WBP11: variants seen among roughly 807,000 people sequenced by gnomAD.
WBP11 encodes WW domain binding protein 11, also known as WW domain-binding protein 11.
In WBP11, 12 loss-of-function variants were observed where a neutral mutation model predicts 66.7. That is an observed-to-expected ratio of 0.18 (90% CI 0.12 to 0.29). WBP11 has a LOEUF of 0.29. Ranked by LOEUF, WBP11 falls within the 10% of genes least tolerant of loss-of-function variation. The probability of loss-of-function intolerance (pLI) is 1.00; values close to 1 mark genes in which losing one functional copy is unlikely to be tolerated. For synonymous variants in WBP11, 255 were observed against 273.8 expected (o/e 0.93, Z 0.68); for missense variants, 555 against 818.3 (o/e 0.68, Z 3.93).
In WBP11 at chr12:14,788,952, T is replaced by C; in HGVS notation, c.1491A>G (p.Pro497=). The change falls in exon 11 of 12, where the codon CCA becomes CCG. Residue 497 remains proline, a splice_region_variant and synonymous_variant. Coordinates refer to ENST00000261167, the MANE Select transcript of WBP11 (RefSeq NM_016312.3). ...PPPRLPPPAP[P]GIPPPRPGMM... is the part of the protein sequence containing the mutation. The stretch of plus-strand genomic sequence containing the variant: ...TATTATAGAAATTGAAAGCATCACC[T>C]GGAGGTGCAGGGGGAGGTAGCCTTG... The C allele has an allele frequency of 7.0e-7, 1 of 1,428,472 alleles. No homozygotes were observed. Among genetic ancestry groups the C allele is most frequent in the Non-Finnish European group, 9.1e-7 (1 of 1,094,968 alleles). 88.5% of individuals were successfully genotyped at this position (1,428,472 alleles called of 1,614,324 possible). A position where few individuals can be genotyped will look rare whatever the true frequency, so the allele number is the denominator to read the frequency against.
At chr12:14,794,195 C>T (rs1949860583) in intron 7 of WBP11, among the ~76,000 whole-genome samples, 1 of 152,104 alleles carries the variant, frequency 6.6e-6, no homozygotes, top group African/African-American at 2.4e-5. Flanking sequence ...TAGCAACAAT[C>T]ATGTTTGTAT....
At chr12:14,788,085 C>A (rs1357768541) in intron 11 of WBP11, among the ~76,000 whole-genome samples, 2 of 151,952 alleles carry the variant, frequency 1.3e-5, no homozygotes, top group African/African-American at 4.8e-5. Context: ...ACTAAAAATA[C>A]AAAATTAGCT....
chr12:14,788,228 A>C (rs1025703275), intron 11 of WBP11, among the ~76,000 whole-genome samples: 1 of 152,156 alleles, frequency 6.6e-6, no homozygotes, highest in Admixed American at 6.5e-5. Flanking sequence ...AAGAAGAATG[A>C]AACTCCGTCT....
chr12:14,795,192 G>A, intron 5 of WBP11, 88 bp from the exon 6 acceptor site: 1 of 1,368,742 alleles, frequency 7.3e-7, no homozygotes, highest in Non-Finnish European at 9.6e-7. Context: ...TTCGTAACTT[G>A]GACATGCTTT....
chr12:14,793,584 T>C, intron 8 of WBP11, 147 bp downstream of exon 8: 2 of 924,256 alleles, frequency 2.2e-6, no homozygotes, highest in Non-Finnish European at 3.2e-6. Context: ...TCAAAAACTT[T>C]CAAAATTTTA....
At chr12:14,797,127 T>C (rs995649802) in intron 4 of WBP11, 124 bp from the exon 5 acceptor site, 46 of 575,270 alleles carry the variant, frequency 8.0e-5, no homozygotes, top group Non-Finnish European at 1.2e-4. Context: ...ACACCAGACA[T>C]ACTCTTTTCA....
In WBP11 at chr12:14,786,454, A is replaced by T. The variant is rs1293393429; in HGVS notation, c.*611T>A. On this transcript the variant is annotated 3_prime_UTR_variant, in exon 12 of 12. Transcript: ENST00000261167. ...TCCATAAAATAGGTATTATGTTTAC[A>T]TATTATCAGTAACACAGAGTATCTT... 1.3e-5 allele frequency: 2 copies of T among 152,246 alleles called. No individual in the cohort carries two copies. Among genetic ancestry groups the T allele is most frequent in the African/African-American group, 4.8e-5 (2 of 41,454 alleles). The allele number at this position is 152,246 out of a possible 1,614,324, so 9.4% of individuals were successfully genotyped here.
At chr12:14,788,480 G>C (rs1375486292) in intron 11 of WBP11, among the ~76,000 whole-genome samples, 1 of 151,872 alleles carries the variant, frequency 6.6e-6, no homozygotes, top group Non-Finnish European at 1.5e-5. Context: ...GAGAGAGAGA[G>C]AGGAAAAAAA....
chr12:14,803,327 T>C lies in WBP11; in HGVS notation c.-46+25A>G, dbSNP rs974830698. The C allele has an allele frequency of 3.5e-5, 13 of 376,316 alleles. No individual in the cohort carries two copies. In the East Asian group the frequency reaches 3.6e-4, roughly 11 times the overall value. The allele number at this position is 376,316 out of a possible 1,614,324, so 23.3% of individuals were successfully genotyped here. ...AAGGGACGAAAGAGGTGAGGAAGAG[T>C]AGTAAATCAATTCAATACACTCACA... On this transcript the variant is annotated intron_variant, in intron 1 of 11. Transcript: ENST00000261167.
In WBP11 at chr12:14,801,304, A is replaced by G. The variant is rs1565675683; in HGVS notation, c.64+16T>C. 1 of 1,611,732 alleles carries G rather than the reference A, an allele frequency of 6.2e-7. No homozygotes were observed. The highest frequency in any genetic ancestry group is 8.5e-7 in the Non-Finnish European group (1 of 1,178,688). On this transcript the variant is annotated intron_variant, in intron 2 of 11. Coordinates refer to ENST00000261167, the MANE Select transcript of WBP11 (RefSeq NM_016312.3). ...ACACTCTCCTACTTCATCATTCCAC[A>G]CTAATGGACACTTACGGGCTTGGTC...
In WBP11 at chr12:14,803,450, C is replaced by T. The variant is rs1201292255; in HGVS notation, c.-144G>A. 7.5e-6 allele frequency: 3 copies of T among 398,642 alleles called. No individual in the cohort carries two copies. The highest frequency in any genetic ancestry group is 4.1e-5 in the African/African-American group (2 of 48,644). The allele number at this position is 398,642 out of a possible 1,614,324, so 24.7% of individuals were successfully genotyped here. On this transcript the variant is annotated 5_prime_UTR_variant, in exon 1 of 12. Coordinates refer to ENST00000261167, the MANE Select transcript of WBP11 (RefSeq NM_016312.3). ...CTTCAACTGGGTCTCTCGGTCAACC[C>T]CTCAGCTACCGCCATCTTGAAACCT...
chr12:14,787,076 C>T lies in WBP11; in HGVS notation c.1915G>A (p.Gly639Arg). 1 of 1,612,364 alleles carries T rather than the reference C, an allele frequency of 6.2e-7. No individual in the cohort carries two copies. Among genetic ancestry groups the T allele is most frequent in the East Asian group, 2.2e-5 (1 of 44,854 alleles). Reference sequence around the variant, plus strand: ...GGCATCAAAAGCTGTCACAGTAGCCCTTCCATCTCTTTCATGAAAGCCTCA... The same window carrying T: ...GGCATCAAAAGCTGTCACAGTAGCCTTTCCATCTCTTTCATGAAAGCCTCA... ...VYEAFMKEME[G>R]LL The change falls in exon 12 of 12, where the codon GGG (glycine) becomes AGG (arginine). Residue 639 changes from glycine (G) to arginine (R), a missense_variant. By Grantham distance (125) the Gly-to-Arg change is moderately radical. Transcript: ENST00000261167.
intron 4 of WBP11, among the ~76,000 whole-genome samples, chr12:14,797,226 T>TTAG (rs1949903931): frequency 6.6e-6 from 1 of 152,246 alleles, no homozygotes; most frequent in South Asian, 2.1e-4. Flanking sequence ...TGCCACCTAA[T>TTAG]TGACTTTCAT....
chr12:14,787,884 C>T (rs1194426106), intron 11 of WBP11, among the ~76,000 whole-genome samples: 1 of 152,156 alleles, frequency 6.6e-6, no homozygotes, highest in African/African-American at 2.4e-5. Context: ...TATTCCATAC[C>T]ATTTCCCCTG....
chr12:14,793,964 A>C (rs769349663), intron 7 of WBP11, 42 bp from the exon 8 acceptor site: 34 of 1,487,398 alleles, frequency 2.3e-5, no homozygotes, highest in East Asian at 1.7e-4. Flanking sequence ...GTATGATTGG[A>C]CCCTCCACTA....
chr12:14,788,469 T>TGA (rs575372554), intron 11 of WBP11, among the ~76,000 whole-genome samples: 5 of 151,378 alleles, frequency 3.3e-5, no homozygotes, highest in East Asian at 1.9e-4. Context: ...TGTGTACCAC[T>TGA]GAGAGAGAGA....
Position 14,792,895 on chromosome 12 carries a change from G to GAGAAA in WBP11, c.913+835_913+836insTTTCT, listed in dbSNP as rs530997972. Among the ~76,000 whole-genome samples the GAGAAA allele has an allele frequency of 1.6e-4, 24 of 150,214 alleles. No homozygotes were observed. The South Asian group carries it at 4.5e-3, about 28-fold the overall frequency. On this transcript the variant is annotated intron_variant, in intron 8 of 11. Transcript: ENST00000261167. ...GCAGAATAAAAGGAAAAGAAGGCAA[G>GAGAAA]AGACCACACAGACCCAGAAAAAAAT...
rs1949960548 is a variant in WBP11, at chr12:14,801,407, T to C, written c.-24A>G. The stretch of plus-strand genomic sequence containing the variant: ...ATGTTGACAATTTGTATGGTTTACT[T>C]GTTCATTAAAAAAAGAAAAACCTGT... On this transcript the variant is annotated 5_prime_UTR_variant, in exon 2 of 12. Transcript: ENST00000261167. 2 of 1,609,890 alleles carry C rather than the reference T, an allele frequency of 1.2e-6. No individual in the cohort carries two copies. The highest frequency in any genetic ancestry group is 1.7e-6 in the Non-Finnish European group (2 of 1,178,418).
chr12:14,788,800 T>A (rs1949786455), intron 11 of WBP11, 151 bp downstream of exon 11: 1 of 452,082 alleles, frequency 2.2e-6, no homozygotes. Flanking sequence ...CTGGAAGAAC[T>A]GTACTTCAAG....
Sources: gnomAD v4.1 joint callset for allele counts (sites outside exome capture counted in the v4.1 genomes callset) on GRCh38, gnomAD v4.1.1 for gene constraint, MANE v1.5 for transcripts, NCBI Gene and HGNC (gene_info 2026-07-23, HGNC 2026-07-21) for gene names.